The following ASIC2 variants were observed in gnomAD, a reference collection of about 807,000 sequenced individuals.
ASIC2 encodes the protein acid sensing ion channel subunit 2.
A neutral mutation model predicts 57.3 loss-of-function variants in ASIC2; 25 were observed. The observed-to-expected ratio is 0.44, with a 90% confidence interval of 0.32 to 0.61. The LOEUF (loss-of-function observed/expected upper bound fraction) is 0.61. Ranked by LOEUF, ASIC2 falls within the 20% of genes least tolerant of loss-of-function variation. The probability of loss-of-function intolerance (pLI) is 0.06; values close to 1 mark genes in which losing one functional copy is unlikely to be tolerated. For missense variants in ASIC2, 641 were observed against 738.1 expected, an observed-to-expected ratio of 0.87 and a Z score of 1.52; for synonymous variants, 319 against 307.5, an observed-to-expected ratio of 1.04 and a Z score of -0.39.
At chr17:33,772,955 G>A (rs1383983471) in intron 1 of ASIC2, among the ~76,000 whole-genome samples, 2 of 152,200 alleles carry the variant, frequency 1.3e-5, no homozygotes, top group African/African-American at 2.4e-5. Context: ...ATGGAAAAGT[G>A]TTTAGCGTGG....
intron 1 of ASIC2, among the ~76,000 whole-genome samples, chr17:33,860,807 T>C (rs1914081841): frequency 6.6e-6 from 1 of 152,212 alleles, no homozygotes; most frequent in Non-Finnish European, 1.5e-5. Flanking sequence ...CCTGCTGAGG[T>C]AGACACCAGT....
intron 1 of ASIC2, among the ~76,000 whole-genome samples, chr17:33,752,628 C>A (rs1292868029): frequency 2.6e-5 from 4 of 152,112 alleles, no homozygotes; most frequent in Admixed American, 1.3e-4. Flanking sequence ...ACTGGATAGA[C>A]CATTTCCTTT....
chr17:33,209,673 T>C (rs938793458), intron 1 of ASIC2, among the ~76,000 whole-genome samples: 1 of 152,240 alleles, frequency 6.6e-6, no homozygotes, highest in African/African-American at 2.4e-5. Flanking sequence ...GTTTTGCTTA[T>C]GATCATATCC....
At chr17:34,066,282 T>C (rs1909169455) in intron 1 of ASIC2, among the ~76,000 whole-genome samples, 1 of 152,206 alleles carries the variant, frequency 6.6e-6, no homozygotes, top group African/African-American at 2.4e-5. Flanking sequence ...GTTAATTAAG[T>C]CGTTCATCTC....
intron 1 of ASIC2, among the ~76,000 whole-genome samples, chr17:33,543,258 C>T (rs1008242847): frequency 2.7e-5 from 4 of 150,110 alleles, no homozygotes; most frequent in Admixed American, 6.7e-5. Flanking sequence ...GCACAATGTG[C>T]ACACGTACCC....
intron 1 of ASIC2, among the ~76,000 whole-genome samples, chr17:33,831,210 T>C (rs1337703732): frequency 6.7e-6 from 1 of 149,112 alleles, no homozygotes; most frequent in Non-Finnish European, 1.5e-5. Flanking sequence ...TATTTGCATA[T>C]AAATTATGTT....
Position 34,023,449 on chromosome 17 carries a change from A to T in ASIC2, c.555+132529T>A, listed in dbSNP as rs546263581. On this transcript the variant is annotated intron_variant, in intron 1 of 9. Transcript: ENST00000359872. ...AACTGCTGCAGAGGCTCACACACTG[A>T]TCTGGCAGACTTTGCTATCATTTGA... Among the ~76,000 whole-genome samples the T allele has an allele frequency of 7.2e-5, 11 of 152,050 alleles. No homozygotes were observed. The East Asian group carries it at 2.1e-3, about 29-fold the overall frequency.
intron 1 of ASIC2, among the ~76,000 whole-genome samples, chr17:33,431,149 C>T (rs927786229): frequency 6.6e-6 from 1 of 152,172 alleles, no homozygotes; most frequent in Admixed American, 6.5e-5. Context: ...AAGGGGTCTG[C>T]CCACTCCATT....
At chr17:33,640,494 C>T (rs1369102) in intron 1 of ASIC2, among the ~76,000 whole-genome samples, 64,598 of 152,034 alleles carry the variant, frequency 0.42, 13,897 homozygotes, top group African/African-American at 0.49. Context: ...ACAGAGAGAG[C>T]ACGGACTGTG....
chr17:33,381,270 C>A (rs979444482), intron 1 of ASIC2, among the ~76,000 whole-genome samples: 1 of 152,210 alleles, frequency 6.6e-6, no homozygotes, highest in Non-Finnish European at 1.5e-5. Flanking sequence ...TTTTAATAAA[C>A]CAGAGGAAAA....
rs1905768984 is a variant in ASIC2 at position 33,620,813 on chromosome 17, T to G, written c.556-508746A>C. Among the ~76,000 whole-genome samples, 3 of 152,126 alleles carry G rather than the reference T, an allele frequency of 2.0e-5. No homozygotes were observed. In the South Asian group the frequency reaches 6.2e-4, roughly 32 times the overall value. On this transcript the variant is annotated intron_variant, in intron 1 of 9. Coordinates refer to the ASIC2 transcript ENST00000359872. ...CTTGAATTTCTTCTTCAATTAATTT[T>G]TACCTTTTATCCATCTTGTGAATCA... is the stretch of plus-strand genomic sequence containing the variant.
At chr17:33,915,672 C>T (rs1328223584) in intron 1 of ASIC2, among the ~76,000 whole-genome samples, 5 of 152,210 alleles carry the variant, frequency 3.3e-5, no homozygotes, top group Admixed American at 2.6e-4. Flanking sequence ...TCTGCAGAGG[C>T]CGCTGCAATA....
chr17:33,215,954 C>A (rs1907467940), intron 1 of ASIC2, among the ~76,000 whole-genome samples: 1 of 152,168 alleles, frequency 6.6e-6, no homozygotes, highest in South Asian at 2.1e-4. Flanking sequence ...CCGCCTCGGC[C>A]TCCCAAAGTG....
chr17:33,304,843 G>GTCTCC lies in ASIC2; in HGVS notation c.556-192781_556-192777dup, dbSNP rs565660473. 5.8e-3 allele frequency among the ~76,000 whole-genome samples: 878 copies of GTCTCC among 152,148 alleles called. 4 individuals carry two copies. Among genetic ancestry groups the GTCTCC allele is most frequent in the Non-Finnish European group, 7.9e-3 (538 of 68,024 alleles). ...GTAGTGCGTCTGCCGTCTGTTCTTAGTCTCCGCCTGGAGACCTGGTTTGGT... is the reference window on the plus strand; with the variant it reads ...GTAGTGCGTCTGCCGTCTGTTCTTAGTCTCCTCTCCGCCTGGAGACCTGGTTTGGT... On this transcript the variant is annotated intron_variant, in intron 1 of 9. Coordinates refer to the ASIC2 transcript ENST00000359872.
At chr17:33,699,894 A>G (rs1177161325) in intron 1 of ASIC2, among the ~76,000 whole-genome samples, 2 of 152,218 alleles carry the variant, frequency 1.3e-5, no homozygotes, top group Non-Finnish European at 2.9e-5. Context: ...ATATAAACTG[A>G]CTACAGGACT....
chr17:33,481,155 C>T (rs1913392315), intron 1 of ASIC2, among the ~76,000 whole-genome samples: 2 of 152,190 alleles, frequency 1.3e-5, no homozygotes, highest in Non-Finnish European at 1.5e-5. Context: ...GCCTGAGTTG[C>T]TGAGGGTAAA....
At chr17:33,121,888 T>C (rs1243310387) in intron 1 of ASIC2, among the ~76,000 whole-genome samples, 1 of 152,176 alleles carries the variant, frequency 6.6e-6, no homozygotes, top group East Asian at 1.9e-4. Flanking sequence ...CCTGTCAGCC[T>C]CAGAGATCTC....
At chr17:33,634,597 G>T (rs1393809480) in intron 1 of ASIC2, 3 of 147,516 alleles carry the variant, frequency 2.0e-5, no homozygotes, top group Non-Finnish European at 4.5e-5. Context: ...CTCACTGCAA[G>T]CTCCGCCTCC....
chr17:33,880,396 T>C (rs1466836474), intron 1 of ASIC2, among the ~76,000 whole-genome samples: 2 of 151,886 alleles, frequency 1.3e-5, no homozygotes, highest in Admixed American at 6.6e-5. Flanking sequence ...AAGAATCAAA[T>C]AGGTACAATA....
Sources: allele counts gnomAD v4.1 joint callset (sites outside exome capture counted in the v4.1 genomes callset), GRCh38; gene constraint gnomAD v4.1.1; transcripts MANE v1.5; gene names NCBI Gene and HGNC (gene_info 2026-07-23, HGNC 2026-07-21).